Variants in NRXN1 observed in about 807,000 individuals in gnomAD.
NRXN1 encodes neurexin 1.
NRXN1 carries 39 observed loss-of-function variants against 150.9 expected under a neutral mutation model. That is an observed-to-expected ratio of 0.26 (90% CI 0.20 to 0.34). The LOEUF (loss-of-function observed/expected upper bound fraction) is 0.34. Ranked by LOEUF, NRXN1 falls within the 10% of genes least tolerant of loss-of-function variation. NRXN1 has a pLI of 1.00. For missense variants in NRXN1, 1,815 were observed against 1,949.9 expected, an observed-to-expected ratio of 0.93 and a Z score of 1.30; for synonymous variants, 924 against 757.0, an observed-to-expected ratio of 1.22 and a Z score of -3.62.
At chr2:50,280,520 G>A (rs191174563) in intron 17 of NRXN1, among the ~76,000 whole-genome samples, 1 of 152,148 alleles carries the variant, frequency 6.6e-6, no homozygotes, top group African/African-American at 2.4e-5. Context: ...TCCCAGCTCT[G>A]TCACTTGTTG....
intron 2 of NRXN1, among the ~76,000 whole-genome samples, chr2:51,004,759 G>A (rs565944507): frequency 5.6e-4 from 85 of 152,074 alleles, no homozygotes; most frequent in Non-Finnish European, 1.1e-3. Context: ...TTTTCAAGGA[G>A]GGGAATGCCC....
intron 17 of NRXN1, among the ~76,000 whole-genome samples, chr2:50,349,625 C>T (rs947944626): frequency 1.3e-5 from 2 of 152,206 alleles, no homozygotes; most frequent in East Asian, 3.8e-4. Flanking sequence ...GGCACTGTGG[C>T]TTCCTTTATA....
chr2:50,573,742 A>AAATAATAATAATAAT (rs3052541), intron 8 of NRXN1, among the ~76,000 whole-genome samples: 1 of 148,166 alleles, frequency 6.7e-6, no homozygotes, highest in South Asian at 2.1e-4. Flanking sequence ...AGATATTTGA[A>AAATAATAATAATAAT]AATAATAATA....
At chr2:50,466,355 T>C in intron 16 of NRXN1, 1 of 349,952 alleles carries the variant, frequency 2.9e-6, no homozygotes, top group Non-Finnish European at 5.6e-6. Flanking sequence ...GAATGAAATC[T>C]GAACCCAAAT....
intron 18 of NRXN1, among the ~76,000 whole-genome samples, chr2:50,207,243 G>A (rs17040207): frequency 0.11 from 17,297 of 151,818 alleles, 1,619 homozygotes; most frequent in East Asian, 0.38. Context: ...TGTTAGAACA[G>A]GTGTATGAAT....
intron 8 of NRXN1, among the ~76,000 whole-genome samples, chr2:50,567,929 C>T (rs990992981): frequency 2.0e-5 from 3 of 152,030 alleles, no homozygotes; most frequent in Admixed American, 1.3e-4. Context: ...ACAGAATTCC[C>T]AATGTAATAT....
intron 17 of NRXN1, among the ~76,000 whole-genome samples, chr2:50,307,606 T>C (rs1217879851): frequency 6.6e-6 from 1 of 152,174 alleles, no homozygotes; most frequent in East Asian, 1.9e-4. Context: ...CTCTAAACAA[T>C]TTTATTTTTC....
At chr2:50,693,609 C>G (rs1692376817) in intron 5 of NRXN1, among the ~76,000 whole-genome samples, 1 of 152,082 alleles carries the variant, frequency 6.6e-6, no homozygotes, top group African/African-American at 2.4e-5. Context: ...TCTGATATTT[C>G]TGCATTAAAA....
At chr2:50,495,615 A>G (rs554284075) in intron 15 of NRXN1, among the ~76,000 whole-genome samples, 1 of 152,250 alleles carries the variant, frequency 6.6e-6, no homozygotes, top group South Asian at 2.1e-4. Context: ...GTAACTTACA[A>G]ATGCCTTTTT....
intron 2 of NRXN1, among the ~76,000 whole-genome samples, chr2:50,985,867 T>C (rs944053939): frequency 9.9e-5 from 15 of 151,712 alleles, no homozygotes; most frequent in African/African-American, 3.6e-4. Context: ...CTGATAAACA[T>C]ATTTGTCCCA....
At chr2:50,890,041 T>C (rs1330930690) in intron 5 of NRXN1, among the ~76,000 whole-genome samples, 1 of 151,804 alleles carries the variant, frequency 6.6e-6, no homozygotes, top group African/African-American at 2.4e-5. Context: ...GTGCTCATTC[T>C]GTAACATGAG....
chr2:50,335,838 T>C (rs1470992207), intron 17 of NRXN1, among the ~76,000 whole-genome samples: 1 of 152,066 alleles, frequency 6.6e-6, no homozygotes, highest in African/African-American at 2.4e-5. Flanking sequence ...GAATGAAATG[T>C]GTTTTAAAAA....
intron 8 of NRXN1, among the ~76,000 whole-genome samples, chr2:50,596,718 C>A (rs771838836): frequency 6.6e-6 from 1 of 152,094 alleles, no homozygotes; most frequent in Non-Finnish European, 1.5e-5. Flanking sequence ...GGAGAAGGGA[C>A]CCATCTGTCT....
intron 21 of NRXN1, among the ~76,000 whole-genome samples, chr2:49,983,456 T>TA (rs553462666): frequency 6.6e-6 from 1 of 152,238 alleles, no homozygotes; most frequent in African/African-American, 2.4e-5. Flanking sequence ...TTTATATTTT[T>TA]ACGGGTCTTT....
At chr2:50,586,076 C>G (rs150049272) in intron 8 of NRXN1, among the ~76,000 whole-genome samples, 2 of 152,164 alleles carry the variant, frequency 1.3e-5, no homozygotes, top group African/African-American at 4.8e-5. Flanking sequence ...ACTCTTACCT[C>G]GCTGATACAT....
chr2:50,018,648 T>G (rs999184723), intron 21 of NRXN1, among the ~76,000 whole-genome samples: 6 of 152,248 alleles, frequency 3.9e-5, no homozygotes, highest in African/African-American at 1.4e-4. Flanking sequence ...AAATTTAGAC[T>G]GCTGATTTGA....
intron 21 of NRXN1, among the ~76,000 whole-genome samples, chr2:49,978,904 G>T (rs1001520657): frequency 6.6e-6 from 1 of 152,120 alleles, no homozygotes; most frequent in South Asian, 2.1e-4. Context: ...AATTTTAAGT[G>T]AAAGTGACAT....
intron 5 of NRXN1, among the ~76,000 whole-genome samples, chr2:50,712,615 C>T (rs1256736901): frequency 1.3e-5 from 2 of 152,118 alleles, no homozygotes; most frequent in Admixed American, 6.6e-5. Context: ...AAATAGATGC[C>T]ATCTTTGTCT....
At position 50,480,280 on chromosome 2, in the gene NRXN1, G is replaced by A. The variant is rs527985698; in HGVS notation, c.3071-7809C>T. ...GAAACAGTTTGGAGTATCAGTGTGC[G>A]TAGTAATGAGAACCCATGCATGAAT... On this transcript the variant is annotated intron_variant, in intron 15 of 22. Transcript: ENST00000401669. Among the ~76,000 whole-genome samples, 432 of 152,250 alleles carry A rather than the reference G, an allele frequency of 2.8e-3. 4 individuals are homozygous for A. Among genetic ancestry groups the A allele is most frequent in the Middle Eastern group, 0.017 (5 of 294 alleles).
Sources: gnomAD v4.1 joint callset for allele counts (sites outside exome capture counted in the v4.1 genomes callset) on GRCh38, gnomAD v4.1.1 for gene constraint, MANE v1.5 for transcripts, NCBI Gene and HGNC (gene_info 2026-07-23, HGNC 2026-07-21) for gene names.